KLB: variants seen among roughly 807,000 people sequenced by gnomAD.
The protein encoded by KLB is klotho beta.
A neutral mutation model predicts 88.4 loss-of-function variants in KLB; 44 were observed. The ratio of observed to expected loss-of-function variants is 0.50; its 90% CI spans 0.39 to 0.64. The LOEUF (loss-of-function observed/expected upper bound fraction) is 0.64, where lower values mean the gene tolerates loss of function less well. KLB is among the 30% of genes least tolerant of loss of function. The pLI is 0.00. For missense variants in KLB, 1,137 were observed against 1,304.8 expected, an observed-to-expected ratio of 0.87 and a Z score of 1.98; for synonymous variants, 548 against 513.4, an observed-to-expected ratio of 1.07 and a Z score of -0.91.
intron 2 of KLB, among the ~76,000 whole-genome samples, chr4:39,436,302 C>T (rs578229937): frequency 4.0e-4 from 61 of 152,268 alleles, no homozygotes; most frequent in Non-Finnish European, 6.8e-4. Flanking sequence ...AAGACCCTGC[C>T]GCCCCAAGTT....
In KLB at chr4:39,449,036, ACT is replaced by A; in HGVS notation, c.*353_*354del. 5.4e-6 allele frequency: 1 copy of A among 186,066 alleles called. No homozygotes were observed. The highest frequency in any genetic ancestry group is 1.3e-4 in the South Asian group (1 of 7,996). 11.5% of individuals were successfully genotyped at this position (186,066 alleles called of 1,614,324 possible). A position where few individuals can be genotyped will look rare whatever the true frequency, so the allele number is the denominator to read the frequency against. On this transcript the variant is annotated 3_prime_UTR_variant, in exon 5 of 5. Transcript: ENST00000257408. ...CAATAAATTATTTTTAAGAAGTAAA[ACT>A]CTGGGGCTGGACGCTGTGGCTCACA...
At chr4:39,408,442 A>G (rs1305083951) in intron 1 of KLB, among the ~76,000 whole-genome samples, 1 of 152,218 alleles carries the variant, frequency 6.6e-6, no homozygotes, top group Non-Finnish European at 1.5e-5. Flanking sequence ...TAAAATTAGT[A>G]AAACAATAGT....
At chr4:39,443,264 T>A (rs1481410157) in intron 3 of KLB, among the ~76,000 whole-genome samples, 2 of 152,082 alleles carry the variant, frequency 1.3e-5, no homozygotes, top group Non-Finnish European at 2.9e-5. Context: ...TGTTCACTCC[T>A]GTAATCCCAG....
At chr4:39,433,356 T>A (rs1426311600) in intron 1 of KLB, among the ~76,000 whole-genome samples, 1 of 152,190 alleles carries the variant, frequency 6.6e-6, no homozygotes, top group Non-Finnish European at 1.5e-5. Flanking sequence ...GACCACCCTT[T>A]AATAATCATA....
rs1442379323 is a variant in KLB, at chr4:39,446,606, T to C, written c.1880T>C (p.Val627Ala). 3.1e-6 allele frequency: 5 copies of C among 1,614,034 alleles called. No homozygotes were observed. The highest frequency in any genetic ancestry group is 4.2e-6 in the Non-Finnish European group (5 of 1,179,950). ...GCCCTGAGGTACTACAGGTGCGTGG[T>C]CAGTGAGGGGCTGAAGCTTGGCATC... The part of the protein sequence containing the change: ...RQALRYYRCV[V>A]SEGLKLGISA... The change falls in exon 4 of 5, where the codon GTC becomes GCC. Residue 627 changes from valine to alanine, a missense_variant. This residue lies in a region of KLB where 597 missense variants were observed against 765.2 expected (regional missense o/e 0.78). Coordinates refer to ENST00000257408, the MANE Select transcript of KLB (RefSeq NM_175737.4). This position sits in a 1 kb window ranked among gnomAD's most constrained non-coding sequence, Gnocchi z 6.4.
chr4:39,446,691 G>A lies in KLB; in HGVS notation c.1965G>A (p.Leu655=). ...THAHLGLPEP[L]LHADGWLNPS... ...CCCACCTAGGCCTCCCCGAGCCTCT[G>A]TTGCATGCCGACGGGTGGCTGAACC... The change falls in exon 4 of 5, where the codon CTG becomes CTA. Residue 655 remains leucine (L), a synonymous_variant. Transcript: ENST00000257408. This position sits in a 1 kb window ranked among gnomAD's most constrained non-coding sequence, Gnocchi z 6.4. The A allele has an allele frequency of 6.2e-7, 1 of 1,611,070 alleles. No homozygotes were observed. The highest frequency in any genetic ancestry group is 8.5e-7 in the Non-Finnish European group (1 of 1,178,170).
chr4:39,420,784 G>A (rs879341279), intron 1 of KLB, among the ~76,000 whole-genome samples: 2 of 152,124 alleles, frequency 1.3e-5, no homozygotes, highest in South Asian at 2.1e-4. Context: ...CTAAAGTGCC[G>A]AGATTACAGG....
At position 39,446,295 on chromosome 4, in the gene KLB, A is replaced by G. The variant is rs370862546; in HGVS notation, c.1606-37A>G. The G allele has an allele frequency of 5.5e-5, 86 of 1,577,698 alleles. No individual in the cohort carries two copies. The highest frequency in any genetic ancestry group is 7.1e-5 in the Non-Finnish European group (83 of 1,161,060). On this transcript the variant is annotated intron_variant, in intron 3 of 4. Transcript: ENST00000257408. This position sits in a 1 kb window ranked among gnomAD's most constrained non-coding sequence, Gnocchi z 6.4. The stretch of plus-strand genomic sequence containing the variant: ...CAGATCACTTGAGCCTCCATCTGCC[A>G]GCGCATGCTTGACCTAAATGAGCTT...
intron 1 of KLB, among the ~76,000 whole-genome samples, chr4:39,421,525 G>A (rs1323975864): frequency 2.0e-5 from 3 of 152,116 alleles, no homozygotes; most frequent in Non-Finnish European, 2.9e-5. Flanking sequence ...CAAGGTGGGC[G>A]GATCACTTGA....
Position 39,447,033 on chromosome 4 carries a change from C to T in KLB, c.2307C>T (p.Ile769=). Residue 769 remains isoleucine, a synonymous_variant, in exon 4 of 5, where the codon ATC becomes ATT. Transcript: ENST00000257408. ...CCGAGCGCTTCCTGCAGTTCGAGAT[C>T]GCCTGGTTCGCCGAGCCGCTCTTCA... ...RAAERFLQFE[I]AWFAEPLFKT... is the part of the protein sequence containing the mutation. The T allele has an allele frequency of 6.2e-7, 1 of 1,611,746 alleles. No individual in the cohort carries two copies. The highest frequency in any genetic ancestry group is 1.1e-5 in the South Asian group (1 of 91,074).
rs143322822 is a variant in KLB, at chr4:39,432,289, GA to G, written c.826-1911del. ...TGACAGAGCAAGACTCTGTCTCAAAGAAAAAAAAAACAACTCAAATAATGGA... is the reference window on the plus strand; with the variant it reads ...TGACAGAGCAAGACTCTGTCTCAAAGAAAAAAAAACAACTCAAATAATGGA... On this transcript the variant is annotated intron_variant, in intron 1 of 4. Coordinates refer to ENST00000257408, the MANE Select transcript of KLB (RefSeq NM_175737.4). 5.5e-5 allele frequency among the ~76,000 whole-genome samples: 8 copies of G among 145,670 alleles called. No individual in the cohort carries two copies. In the South Asian group the frequency reaches 6.8e-4, roughly 12 times the overall value.
At chr4:39,412,173 T>C (rs1436381581) in intron 1 of KLB, among the ~76,000 whole-genome samples, 1 of 152,016 alleles carries the variant, frequency 6.6e-6, no homozygotes, top group Admixed American at 6.6e-5. Flanking sequence ...ATACAATTCA[T>C]CCGTGTAACC....
intron 2 of KLB, 21 bp downstream of exon 2, chr4:39,434,741 A>T: frequency 6.4e-7 from 1 of 1,555,244 alleles, no homozygotes; most frequent in Non-Finnish European, 8.7e-7. Flanking sequence ...CACTTGCTTA[A>T]TTTTTTAAAA....
intron 3 of KLB, among the ~76,000 whole-genome samples, chr4:39,444,784 A>T (rs979749161): frequency 6.6e-6 from 1 of 152,252 alleles, no homozygotes; most frequent in Non-Finnish European, 1.5e-5. Flanking sequence ...AATGAATTAT[A>T]TACGGATTTA....
At chr4:39,411,753 T>C (rs1742855299) in intron 1 of KLB, among the ~76,000 whole-genome samples, 1 of 151,888 alleles carries the variant, frequency 6.6e-6, no homozygotes, top group Non-Finnish European at 1.5e-5. Flanking sequence ...GCATGGTGGC[T>C]CATACCTGTA....
chr4:39,407,534 C>G lies in KLB; in HGVS notation c.585C>G (p.His195Gln). 4 of 1,614,030 alleles carry G rather than the reference C, an allele frequency of 2.5e-6. No individual in the cohort carries two copies. The highest frequency in any genetic ancestry group is 3.4e-6 in the Non-Finnish European group (4 of 1,179,906). Residue 195 changes from histidine (H) to glutamine (Q), a missense_variant, in exon 1 of 5, where the codon CAC becomes CAG. Transcript: ENST00000257408. ...TTGAACCTATAGTTACTTTATACCA[C>G]TGGGATTTGCCTTTGGCACTACAAG... ...RNIEPIVTLY[H>Q]WDLPLALQEK...
At chr4:39,432,148 A>T (rs3102166) in intron 1 of KLB, among the ~76,000 whole-genome samples, 1 of 151,988 alleles carries the variant, frequency 6.6e-6, no homozygotes, top group African/African-American at 2.4e-5. Context: ...TTAACTGGGC[A>T]TGGTGGTGCT....
intron 3 of KLB, among the ~76,000 whole-genome samples, chr4:39,445,684 G>GTTTTTTTTTTT (rs67319815): frequency 1.3e-4 from 12 of 94,948 alleles, no homozygotes; most frequent in Non-Finnish European, 2.1e-4. Flanking sequence ...TTGTTTTTTT[G>GTTTTTTTTTTT]TTTTTTTTTT....
At chr4:39,445,161 G>A (rs1163084501) in intron 3 of KLB, among the ~76,000 whole-genome samples, 6 of 152,156 alleles carry the variant, frequency 3.9e-5, no homozygotes, top group Non-Finnish European at 7.3e-5. Context: ...TGTTTGTATA[G>A]CGCTTTAGAG....
Sources: allele counts gnomAD v4.1 joint callset (sites outside exome capture counted in the v4.1 genomes callset), GRCh38; gene constraint gnomAD v4.1.1; regional missense constraint gnomAD v4.1.1; non-coding constraint Gnocchi (gnomAD v3.1); transcripts MANE v1.5; gene names NCBI Gene and HGNC (gene_info 2026-07-23, HGNC 2026-07-21).